Variants in BGN observed in about 807,000 individuals in gnomAD.
BGN encodes the protein bone/cartilage proteoglycan-I.
BGN carries 6 observed loss-of-function variants against 20.0 expected under a neutral mutation model. The ratio of observed to expected loss-of-function variants is 0.30; its 90% CI spans 0.16 to 0.59. The LOEUF (loss-of-function observed/expected upper bound fraction) is 0.59. BGN is among the 20% of genes least tolerant of loss of function. The pLI, the probability that BGN is intolerant of heterozygous loss-of-function variation, is 0.88. For synonymous variants in BGN, 146 were observed against 134.6 expected (o/e 1.08, Z -0.59); for missense variants, 292 against 312.1 (o/e 0.94, Z 0.49).
chrX:153,503,047 C>T (rs1397329554), intron 1 of BGN, among the ~76,000 whole-genome samples: 1 of 112,939 alleles, frequency 8.9e-6, no homozygotes, highest in Non-Finnish European at 1.9e-5. Context: ...ACAGGACAGG[C>T]CTCCATCCCA....
At position 153,508,360 on chromosome X, in the gene BGN, C is replaced by T. The variant is rs868973774; in HGVS notation, c.1022C>T (p.Pro341Leu). 1.6e-6 allele frequency: 2 copies of T among 1,212,343 alleles called. No homozygotes were observed. Among genetic ancestry groups the T allele is most frequent in the South Asian group, 1.8e-5 (1 of 57,068 alleles). Residue 341 changes from proline to leucine, a missense_variant, in exon 8 of 8, where the codon CCC becomes CTC. Physicochemically the swap from Pro to Leu is moderately conservative, Grantham distance 98 (BLOSUM62 -3). Coordinates refer to ENST00000331595, the MANE Select transcript of BGN (RefSeq NM_001711.6). ...YYNGISLFNNPVPYWEVQPAT... is the reference protein window; with the variant it reads ...YYNGISLFNNLVPYWEVQPAT... Reference sequence around the variant, plus strand: ...AACGGCATCAGCCTCTTCAACAACCCCGTGCCCTACTGGGAGGTGCAGCCG... The same window carrying T: ...AACGGCATCAGCCTCTTCAACAACCTCGTGCCCTACTGGGAGGTGCAGCCG...
chrX:153,497,520 CAG>C (rs1251377267), intron 1 of BGN, among the ~76,000 whole-genome samples: 1 of 111,109 alleles, frequency 9.0e-6, no homozygotes, highest in Non-Finnish European at 1.9e-5. Context: ...CTCGGCCACT[CAG>C]AGCCCTTTCC....
At chrX:153,502,115 C>T (rs191244646) in intron 1 of BGN, among the ~76,000 whole-genome samples, 1 of 112,609 alleles carries the variant, frequency 8.9e-6, no homozygotes, top group Non-Finnish European at 1.9e-5. Context: ...GGCAGGAGTC[C>T]CTGTAGAGTC....
rs1556993196 is a variant in BGN, at chrX:153,506,518, C to G, written c.566-11C>G. On this transcript the variant is annotated splice_polypyrimidine_tract_variant and intron_variant, in intron 4 of 7. Coordinates refer to ENST00000331595, the MANE Select transcript of BGN (RefSeq NM_001711.6). ...CACCAGGCTCCCGGGCTAATGAGGT[C>G]TCTCCCCTAGAGATGGGCGGGAACC... 1 of 1,205,201 alleles carries G rather than the reference C, an allele frequency of 8.3e-7. No individual in the cohort carries two copies. The highest frequency in any genetic ancestry group is 3.0e-5 in the East Asian group (1 of 33,828).
intron 3 of BGN, 56 bp from the exon 4 acceptor site, chrX:153,505,807 G>A: frequency 2.9e-6 from 3 of 1,042,846 alleles, no homozygotes; most frequent in Non-Finnish European, 3.9e-6. Context: ...GCAGGAGAGA[G>A]GGGCGGGTGG....
In BGN at chrX:153,508,463, G is replaced by T. The variant is rs200293495; in HGVS notation, c.*18G>T. 6.6e-6 allele frequency: 8 copies of T among 1,203,413 alleles called. No homozygotes were observed. Among genetic ancestry groups the T allele is most frequent in the South Asian group, 3.5e-5 (2 of 56,497 alleles). ...AAAAGTAGAGGCAGCTGCAGCCACCGCGGGGCCTCAGTGGGGGTCTCTGGG... is the reference window on the plus strand; with the variant it reads ...AAAAGTAGAGGCAGCTGCAGCCACCTCGGGGCCTCAGTGGGGGTCTCTGGG... On this transcript the variant is annotated 3_prime_UTR_variant, in exon 8 of 8. Coordinates refer to ENST00000331595, the MANE Select transcript of BGN (RefSeq NM_001711.6).
rs1046669225 is a variant in BGN at position 153,508,634 on chromosome X, T to G, written c.*189T>G. The G allele has an allele frequency of 3.8e-6, 2 of 519,737 alleles. No individual in the cohort carries two copies. Among genetic ancestry groups the G allele is most frequent in the Non-Finnish European group, 6.2e-6 (2 of 323,212 alleles). The allele number at this position is 519,737 out of a possible 1,213,427, so 42.8% of individuals were successfully genotyped here. Reference sequence around the variant, plus strand: ...TCTCCCTGGCTCCCAAGGGTGCAGGTGGGCGCAAGGCCCGGCCCCCATCAC... The same window carrying G: ...TCTCCCTGGCTCCCAAGGGTGCAGGGGGGCGCAAGGCCCGGCCCCCATCAC... On this transcript the variant is annotated 3_prime_UTR_variant, in exon 8 of 8. Coordinates refer to ENST00000331595, the MANE Select transcript of BGN (RefSeq NM_001711.6).
chrX:153,497,229 C>T (rs1209345421), intron 1 of BGN, among the ~76,000 whole-genome samples: 4 of 107,289 alleles, frequency 3.7e-5, no homozygotes, highest in Non-Finnish European at 5.8e-5. Context: ...TCCAGGCCCA[C>T]CACCGAGCCC....
At position 153,499,864 on chromosome X, in the gene BGN, C is replaced by T. The variant is rs557925745; in HGVS notation, c.-12+4751C>T. On this transcript the variant is annotated intron_variant, in intron 1 of 7. Coordinates refer to ENST00000331595, the MANE Select transcript of BGN (RefSeq NM_001711.6). ...GCTGGTTGAAACTGGGCCCAAAAGG[C>T]TTTGGAGGCCAGAGGGGAGGGGAGG... Among the ~76,000 whole-genome samples, 90 of 112,979 alleles carry T rather than the reference C, an allele frequency of 8.0e-4. 2 individuals are homozygous for T. In the South Asian group the frequency reaches 0.026, roughly 32 times the overall value.
chrX:153,496,971 C>CCACCCCCCACCCCG (rs2089721281), intron 1 of BGN, among the ~76,000 whole-genome samples: 1 of 83,308 alleles, frequency 1.2e-5, no homozygotes, highest in Admixed American at 1.3e-4. Context: ...CCCCCACCCC[C>CCACCCCCCACCCCG]CAGCATCTCC....
At chrX:153,499,226 C>A (rs1556991346) in intron 1 of BGN, among the ~76,000 whole-genome samples, 1 of 112,505 alleles carries the variant, frequency 8.9e-6, no homozygotes, top group African/African-American at 3.2e-5. Context: ...GTGACAGCAT[C>A]CTCCCTTTTC....
At chrX:153,495,470 C>T (rs2089705525) in intron 1 of BGN, 1 of 112,504 alleles carries the variant, frequency 8.9e-6, no homozygotes, top group South Asian at 3.7e-4. Flanking sequence ...ACTGGTACCC[C>T]AGCTTTGCCA....
chrX:153,499,534 G>A (rs1205813956), intron 1 of BGN, among the ~76,000 whole-genome samples: 4 of 113,426 alleles, frequency 3.5e-5, no homozygotes, highest in Admixed American at 9.2e-5. Context: ...CCCTCCACAC[G>A]TGGCTGCAAG....
At chrX:153,496,945 C>T (rs2089719665) in intron 1 of BGN, among the ~76,000 whole-genome samples, 2 of 68,292 alleles carry the variant, frequency 2.9e-5, no homozygotes, top group South Asian at 2.3e-3. Flanking sequence ...CTGTGCTTCC[C>T]GGGCCCACCC....
intron 3 of BGN, 39 bp downstream of exon 3, chrX:153,505,389 G>A (rs782414728): frequency 2.7e-6 from 3 of 1,126,431 alleles, no homozygotes; most frequent in East Asian, 3.0e-5. Flanking sequence ...TACAGCAGAG[G>A]GCAGGGGTCC....
At chrX:153,502,524 C>T (rs782006453) in intron 1 of BGN, among the ~76,000 whole-genome samples, 5 of 112,386 alleles carry the variant, frequency 4.4e-5, no homozygotes, top group Admixed American at 1.9e-4. Flanking sequence ...CAGCAGGCAT[C>T]GGAGGCCCTG....
rs782280015 is a variant in BGN at position 153,505,223 on chromosome X, G to C, written c.239-15G>C. ...GGTCTCAAGTTCATGCTGGTGATGGGGGTGGGGCCCCTAGGTCTGAAGTCT... is the reference window on the plus strand; with the variant it reads ...GGTCTCAAGTTCATGCTGGTGATGGCGGTGGGGCCCCTAGGTCTGAAGTCT... On this transcript the variant is annotated splice_polypyrimidine_tract_variant and intron_variant, in intron 2 of 7. Coordinates refer to ENST00000331595, the MANE Select transcript of BGN (RefSeq NM_001711.6). 8.5e-7 allele frequency: 1 copy of C among 1,177,369 alleles called. No individual in the cohort carries two copies. Among genetic ancestry groups the C allele is most frequent in the Non-Finnish European group, 1.1e-6 (1 of 870,578 alleles).
intron 1 of BGN, among the ~76,000 whole-genome samples, chrX:153,499,380 C>T (rs2049615292): frequency 8.9e-6 from 1 of 112,491 alleles, no homozygotes; most frequent in South Asian, 3.6e-4. Flanking sequence ...TGGACCTTGA[C>T]ATGGGCGCCA....
At chrX:153,505,376 G>A in intron 3 of BGN, 26 bp downstream of exon 3, 1 of 1,159,739 alleles carries the variant, frequency 8.6e-7, no homozygotes, top group Non-Finnish European at 1.2e-6. Flanking sequence ...GAACCAGCAG[G>A]CCTACAGCAG....
Sources: gnomAD v4.1 joint callset for allele counts (sites outside exome capture counted in the v4.1 genomes callset) on GRCh38, gnomAD v4.1.1 for gene constraint, MANE v1.5 for transcripts, NCBI Gene and HGNC (gene_info 2026-07-23, HGNC 2026-07-21) for gene names.